ZDHHC4: variants seen among roughly 807,000 people sequenced by gnomAD.
ZDHHC4 encodes zDHHC palmitoyltransferase 4.
In ZDHHC4, 42 loss-of-function variants were observed where a neutral mutation model predicts 36.7. That is an observed-to-expected ratio of 1.14 (90% confidence interval 0.89 to 1.48). ZDHHC4 has a LOEUF of 1.48. ZDHHC4 is among the 40% of genes most tolerant of loss of function. The probability of loss-of-function intolerance (pLI) is 0.00; values close to 1 mark genes in which losing one functional copy is unlikely to be tolerated. For missense variants in ZDHHC4, 457 were observed against 421.5 expected (o/e 1.08, Z -0.74); for synonymous variants, 189 against 166.6 (o/e 1.13, Z -1.03).
chr7:6,578,835 A>G (rs899775514), intron 2 of ZDHHC4, 115 bp downstream of exon 2: 3 of 152,202 alleles, frequency 2.0e-5, no homozygotes, highest in Admixed American at 6.5e-5. Context: ...ACAGCCCAGA[A>G]TCTTATCTGC....
At chr7:6,585,721 G>GCTTGAACC (rs145993509) in intron 7 of ZDHHC4, among the ~76,000 whole-genome samples, 50,154 of 151,604 alleles carry the variant, frequency 0.33, 9,758 homozygotes, top group Non-Finnish European at 0.46. Context: ...CACAAAAATT[G>GCTTGAACC]CTTGAACCCG....
chr7:6,579,119 C>T (rs1016424269), intron 2 of ZDHHC4, among the ~76,000 whole-genome samples: 5 of 150,554 alleles, frequency 3.3e-5, no homozygotes, highest in African/African-American at 7.4e-5. Flanking sequence ...CCACTACGGC[C>T]GGCCAATTCC....
chr7:6,577,971 A>G (rs1780555354), intron 1 of ZDHHC4, among the ~76,000 whole-genome samples: 1 of 152,112 alleles, frequency 6.6e-6, no homozygotes, highest in Non-Finnish European at 1.5e-5. Context: ...CTTGGATTAC[A>G]GGCATGCGCC....
In ZDHHC4 at chr7:6,585,812, TAACA is replaced by T. The variant is rs1343990479; in HGVS notation, c.741+560_741+563del. Among the ~76,000 whole-genome samples, 4 of 151,248 alleles carry T rather than the reference TAACA, an allele frequency of 2.6e-5. No homozygotes were observed. The East Asian group carries it at 7.9e-4, about 30-fold the overall frequency. ...CAGAGCAAGACCCTGTCTCAGAAAC[TAACA>T]AACAAACGTGAAGTTTTTCCTTTTT... On this transcript the variant is annotated intron_variant, in intron 7 of 7. Transcript: ENST00000335965.
At chr7:6,583,493 T>G (rs1562542570) in intron 6 of ZDHHC4, 62 bp downstream of exon 6, 4 of 1,556,708 alleles carry the variant, frequency 2.6e-6, no homozygotes, top group Non-Finnish European at 3.5e-6. Flanking sequence ...GCTTCGTCTG[T>G]GAGGGAATGT....
chr7:6,582,109 A>C lies in ZDHHC4; in HGVS notation c.228A>C (p.Gln76His), dbSNP rs192596916. 10 of 1,614,054 alleles carry C rather than the reference A, an allele frequency of 6.2e-6. No homozygotes were observed. Among genetic ancestry groups the C allele is most frequent in the Non-Finnish European group, 7.6e-6 (9 of 1,179,970 alleles). The change falls in exon 5 of 8, where the codon CAA (glutamine) becomes CAC (histidine). Residue 76 changes from glutamine to histidine, a missense_variant. Physicochemically the swap from Gln to His is conservative, Grantham distance 24 (BLOSUM62 0). Coordinates refer to ENST00000335965, the MANE Select transcript of ZDHHC4 (RefSeq NM_001134389.2). ...TCATTGTCCTGCACCTGGTCTTGCA[A>C]GGGATGGTTTATACTGAGTACACCT... Reference protein sequence around the residue: ...HTFIVLHLVLQGMVYTEYTWE... With the variant: ...HTFIVLHLVLHGMVYTEYTWE...
At chr7:6,581,978 A>G in intron 4 of ZDHHC4, 95 bp from the exon 5 acceptor site, 1 of 1,275,916 alleles carries the variant, frequency 7.8e-7, no homozygotes, top group South Asian at 1.5e-5. Context: ...TCTCAAGCCC[A>G]AAGGAAGTGG....
rs554730273 is a variant in ZDHHC4, at chr7:6,579,739, T to C, written c.-7-816T>C. Among the ~76,000 whole-genome samples the C allele has an allele frequency of 5.3e-5, 8 of 152,338 alleles. No homozygotes were observed. In the South Asian group the frequency reaches 1.2e-3, roughly 24 times the overall value. On this transcript the variant is annotated intron_variant, in intron 2 of 7. Transcript: ENST00000335965. ...AGGAAGTAAAAGAATGATTCATGCC[T>C]GGGGGCAAGGAAGGAGGATGCATGT...
chr7:6,580,756 A>G, intron 3 of ZDHHC4, 78 bp downstream of exon 3: 2 of 1,415,228 alleles, frequency 1.4e-6, no homozygotes, highest in South Asian at 1.2e-5. Flanking sequence ...GCTACAGGAC[A>G]AAAAAGAGAT....
At chr7:6,580,902 T>A in intron 3 of ZDHHC4, 1 of 538,008 alleles carries the variant, frequency 1.9e-6, no homozygotes, top group Non-Finnish European at 3.3e-6. Flanking sequence ...GACTACAGAG[T>A]GAGACCCTGT....
In ZDHHC4 at chr7:6,588,862, G is replaced by T. The variant is rs1184771450; in HGVS notation, c.987G>T (p.Glu329Asp). 1.2e-6 allele frequency: 2 copies of T among 1,612,124 alleles called. No individual in the cohort carries two copies. The highest frequency in any genetic ancestry group is 2.2e-5 in the East Asian group (1 of 44,784). Reference protein sequence around the residue: ...HSHGLRSNLQEIFLPAFPCHE... With the variant: ...HSHGLRSNLQDIFLPAFPCHE... Reference sequence around the variant, plus strand: ...ATGGGCTTCGGAGCAACCTTCAAGAGATCTTTCTACCTGCCTTTCCATGTC... The same window carrying T: ...ATGGGCTTCGGAGCAACCTTCAAGATATCTTTCTACCTGCCTTTCCATGTC... Residue 329 changes from glutamate to aspartate, a missense_variant, in exon 8 of 8, where the codon GAG (glutamate) becomes GAT (aspartate). Transcript: ENST00000335965.
chr7:6,583,715 A>G (rs1464515177), intron 6 of ZDHHC4: 2 of 309,910 alleles, frequency 6.5e-6, no homozygotes, highest in African/African-American at 2.2e-5. Context: ...TTGTGTTTGC[A>G]GATTTCAGTC....
chr7:6,587,290 G>A (rs2115192729), intron 7 of ZDHHC4, among the ~76,000 whole-genome samples: 1 of 152,130 alleles, frequency 6.6e-6, no homozygotes, highest in East Asian at 1.9e-4. Flanking sequence ...TGGATCTTTT[G>A]GATCTTGGGA....
intron 3 of ZDHHC4, chr7:6,581,141 C>A: frequency 5.1e-6 from 1 of 197,522 alleles, no homozygotes; most frequent in Non-Finnish European, 9.2e-6. Context: ...ATGGGTGACT[C>A]TGGGGGCCAG....
intron 7 of ZDHHC4, among the ~76,000 whole-genome samples, chr7:6,587,755 C>T (rs1781336763): frequency 6.6e-6 from 1 of 152,230 alleles, no homozygotes; most frequent in Non-Finnish European, 1.5e-5. Flanking sequence ...CACAGTGGCT[C>T]ACGCCTGTAA....
rs1781454290 is a variant in ZDHHC4 at position 6,588,757 on chromosome 7, C to T, written c.882C>T (p.Asp294=). 6.2e-7 allele frequency: 1 copy of T among 1,614,208 alleles called. No individual in the cohort carries two copies. Among genetic ancestry groups the T allele is most frequent in the East Asian group, 2.2e-5 (1 of 44,894 alleles). ...CTACTAACGAGTGGTACAGAGGTGA[C>T]TGGGCCTGGTGCCAGCGTTGTCCCC... is the stretch of plus-strand genomic sequence containing the variant. ...NQTTNEWYRG[D]WAWCQRCPLV... The change falls in exon 8 of 8, where the codon GAC becomes GAT. Residue 294 remains aspartate, a synonymous_variant. Transcript: ENST00000335965.
At chr7:6,581,994 C>A (rs912528762) in intron 4 of ZDHHC4, 79 bp from the exon 5 acceptor site, 1 of 1,412,240 alleles carries the variant, frequency 7.1e-7, no homozygotes, top group Non-Finnish European at 9.6e-7. Context: ...AGTGGTTGGC[C>A]GTTGGTTACT....
chr7:6,582,297 C>A (rs200033164), intron 5 of ZDHHC4, 46 bp downstream of exon 5: 11 of 1,563,524 alleles, frequency 7.0e-6, no homozygotes, highest in Non-Finnish European at 9.6e-6. Flanking sequence ...GCTCCACTGT[C>A]TTACTAATAG....
At position 6,585,070 on chromosome 7, in the gene ZDHHC4, A is replaced by G. The variant is rs1781141557; in HGVS notation, c.551A>G (p.Asn184Ser). The part of the protein sequence containing the change: ...RFDHHCVWVN[N>S]CIGAWNIRYF... ...GACCATCACTGTGTTTGGGTGAACA[A>G]CTGCATCGGGGCCTGGAACATCAGG... The change falls in exon 7 of 8, where the codon AAC becomes AGC. Residue 184 changes from asparagine to serine, a missense_variant. Physicochemically the swap from Asn to Ser is conservative, Grantham distance 46. Transcript: ENST00000335965. 1.2e-6 allele frequency: 2 copies of G among 1,614,002 alleles called. No homozygotes were observed. The highest frequency in any genetic ancestry group is 2.2e-5 in the East Asian group (1 of 44,886).
Sources: allele counts gnomAD v4.1 joint callset (sites outside exome capture counted in the v4.1 genomes callset), GRCh38; gene constraint gnomAD v4.1.1; transcripts MANE v1.5; gene names NCBI Gene and HGNC (gene_info 2026-07-23, HGNC 2026-07-21).